ARMC9: variants seen among roughly 807,000 people sequenced by gnomAD.
ARMC9 encodes armadillo repeat containing 9, also known as lisH domain-containing protein ARMC9.
Under a neutral mutation model 107.0 loss-of-function variants are expected in ARMC9, and 94 were observed. The observed-to-expected ratio is 0.88, with a 90% confidence interval of 0.74 to 1.04. The LOEUF (loss-of-function observed/expected upper bound fraction) is 1.04. ARMC9 is among the 50% of genes least tolerant of loss of function. The pLI is 0.00. For missense variants in ARMC9, 942 were observed against 1,030.1 expected (o/e 0.91, Z 1.17); for synonymous variants, 380 against 396.9 (o/e 0.96, Z 0.51).
chr2:231,247,660 G>A (rs1178552292), intron 9 of ARMC9, among the ~76,000 whole-genome samples: 1 of 152,212 alleles, frequency 6.6e-6, no homozygotes, highest in Non-Finnish European at 1.5e-5. Flanking sequence ...GCCGGGTGCA[G>A]TGGCTCACGC....
intron 19 of ARMC9, among the ~76,000 whole-genome samples, chr2:231,331,574 G>A (rs755313675): frequency 6.6e-6 from 1 of 152,176 alleles, no homozygotes; most frequent in Non-Finnish European, 1.5e-5. Flanking sequence ...TAGCTCCCTA[G>A]CTTCCTGAAG....
At chr2:231,276,274 C>A (rs1196244416) in intron 14 of ARMC9, among the ~76,000 whole-genome samples, 1 of 143,320 alleles carries the variant, frequency 7.0e-6, no homozygotes, top group East Asian at 2.0e-4. Context: ...ACTGTTTCTT[C>A]TTTTTTTTTT....
At chr2:231,286,863 A>G (rs1357826579) in intron 17 of ARMC9, among the ~76,000 whole-genome samples, 2 of 152,184 alleles carry the variant, frequency 1.3e-5, no homozygotes, top group Non-Finnish European at 2.9e-5. Flanking sequence ...GAAAAAGGAG[A>G]ACAAAATAAA....
chr2:231,328,353 T>C lies in ARMC9; in HGVS notation c.1774-3440T>C, dbSNP rs147439200. Among the ~76,000 whole-genome samples, 309 of 152,328 alleles carry C rather than the reference T, an allele frequency of 2.0e-3. 2 individuals carry two copies. The highest frequency in any genetic ancestry group is 7.1e-3 in the African/African-American group (296 of 41,586). ...AATACTTTCTCCCTGTCTATAACTT[T>C]CCTTTTTATCTTCTTAACAGCGTCT... On this transcript the variant is annotated intron_variant, in intron 19 of 24. Coordinates refer to ENST00000611582, the MANE Select transcript of ARMC9 (RefSeq NM_001352754.2).
chr2:231,300,376 T>C (rs1559428009), intron 19 of ARMC9, among the ~76,000 whole-genome samples: 1 of 152,158 alleles, frequency 6.6e-6, no homozygotes, highest in Non-Finnish European at 1.5e-5. Flanking sequence ...TAGGAACTAA[T>C]GGGGAAGGGA....
chr2:231,361,046 G>C (rs2045555633), intron 23 of ARMC9, among the ~76,000 whole-genome samples, 163 bp downstream of exon 23: 1 of 152,220 alleles, frequency 6.6e-6, no homozygotes, highest in Non-Finnish European at 1.5e-5. Flanking sequence ...GCGGAGTGCA[G>C]CCGCCACTCC....
chr2:231,292,420 TTCA>T (rs2041077352), intron 18 of ARMC9, among the ~76,000 whole-genome samples: 1 of 152,160 alleles, frequency 6.6e-6, no homozygotes, highest in Non-Finnish European at 1.5e-5. Flanking sequence ...TGTAAGAAAC[TTCA>T]TCATTTTCCC....
intron 4 of ARMC9, among the ~76,000 whole-genome samples, chr2:231,216,071 A>AGCCCC (rs1470365459): frequency 1.3e-5 from 2 of 152,188 alleles, no homozygotes; most frequent in Non-Finnish European, 2.9e-5. Context: ...AGGAGATAGA[A>AGCCCC]GCCCCGAGAG....
intron 8 of ARMC9, among the ~76,000 whole-genome samples, chr2:231,235,866 TC>T (rs2035661694): frequency 6.6e-6 from 1 of 152,232 alleles, no homozygotes; most frequent in Non-Finnish European, 1.5e-5. Context: ...GGTCTCGAAC[TC>T]CTGACCTCAG....
intron 17 of ARMC9, among the ~76,000 whole-genome samples, chr2:231,287,679 G>A (rs2040700454): frequency 6.6e-6 from 1 of 152,086 alleles, no homozygotes; most frequent in Admixed American, 6.5e-5. Context: ...CTCATGTCAT[G>A]CAATCATGTC....
At chr2:231,368,909 C>T (rs922542052) in intron 23 of ARMC9, among the ~76,000 whole-genome samples, 5 of 152,176 alleles carry the variant, frequency 3.3e-5, no homozygotes, top group African/African-American at 1.2e-4. Context: ...AGGCATGAGC[C>T]ACCGCGCCCG....
chr2:231,207,369 A>T (rs2032168605), intron 2 of ARMC9, among the ~76,000 whole-genome samples: 1 of 152,172 alleles, frequency 6.6e-6, no homozygotes, highest in Non-Finnish European at 1.5e-5. Flanking sequence ...TTTGTTGCCC[A>T]GGCTGGTCTC....
intron 20 of ARMC9, among the ~76,000 whole-genome samples, chr2:231,332,899 A>T (rs971442417): frequency 6.6e-6 from 1 of 152,174 alleles, no homozygotes; most frequent in Non-Finnish European, 1.5e-5. Context: ...AGTCTTCCTC[A>T]CGGCCAGCAG....
At chr2:231,261,542 C>G (rs188380577) in intron 11 of ARMC9, among the ~76,000 whole-genome samples, 1 of 152,292 alleles carries the variant, frequency 6.6e-6, no homozygotes, top group Non-Finnish European at 1.5e-5. Flanking sequence ...GCCCTGGGCC[C>G]CTCCCACTGA....
chr2:231,350,003 C>T (rs115678862), intron 21 of ARMC9, among the ~76,000 whole-genome samples: 3,498 of 150,356 alleles, frequency 0.023, 93 homozygotes, highest in African/African-American at 0.068. Context: ...TACATATATA[C>T]ACCTACTGTA....
intron 19 of ARMC9, among the ~76,000 whole-genome samples, chr2:231,311,274 C>T (rs1307179449): frequency 2.0e-5 from 3 of 152,204 alleles, no homozygotes; most frequent in Non-Finnish European, 4.4e-5. Flanking sequence ...TTCATATCCT[C>T]TTTCCTGGTG....
Position 231,355,914 on chromosome 2 carries a change from A to G in ARMC9, c.2111A>G (p.Glu704Gly). The change falls in exon 22 of 25, where the codon GAG becomes GGG. Residue 704 changes from glutamate (E) to glycine (G), a missense_variant. Glu to Gly is a moderately conservative substitution (Grantham distance 98, BLOSUM62 -2). Transcript: ENST00000611582. The part of the protein sequence containing the change: ...VYREGKPSTP[E>G]SCVSSSSAII... ...AGGGAGGGCAAGCCCAGCACCCCGG[A>G]GTCCTGCGTCTCCTCTTCATGTAAG... 6.5e-7 allele frequency: 1 copy of G among 1,535,960 alleles called. No individual in the cohort carries two copies. Among genetic ancestry groups the G allele is most frequent in the Non-Finnish European group, 8.7e-7 (1 of 1,146,782 alleles).
intron 20 of ARMC9, among the ~76,000 whole-genome samples, chr2:231,335,686 T>C (rs889685437): frequency 2.6e-5 from 4 of 152,242 alleles, no homozygotes; most frequent in Admixed American, 6.5e-5. Flanking sequence ...CTATAGGCTG[T>C]GAACGTCAGA....
chr2:231,285,929 C>T (rs2040557745), intron 17 of ARMC9, among the ~76,000 whole-genome samples: 1 of 152,094 alleles, frequency 6.6e-6, no homozygotes, highest in Non-Finnish European at 1.5e-5. Context: ...GGTGCATTTG[C>T]TTGGCAGAGT....
Sources: allele counts gnomAD v4.1 joint callset (sites outside exome capture counted in the v4.1 genomes callset), GRCh38; gene constraint gnomAD v4.1.1; transcripts MANE v1.5; gene names NCBI Gene and HGNC (gene_info 2026-07-23, HGNC 2026-07-21).